The following KCNG3 variants were observed in gnomAD, a reference collection of about 807,000 sequenced individuals.
KCNG3 encodes voltage-gated potassium channel regulatory subunit KCNG3.
A neutral mutation model predicts 29.0 loss-of-function variants in KCNG3; 15 were observed. The ratio of observed to expected loss-of-function variants is 0.52; its 90% CI spans 0.35 to 0.80. KCNG3 has a LOEUF of 0.80. Ranked by LOEUF, KCNG3 falls within the 30% of genes least tolerant of loss-of-function variation. KCNG3 has a pLI of 0.01. For synonymous variants in KCNG3, 322 were observed against 248.9 expected, an observed-to-expected ratio of 1.29 and a Z score of -2.76; for missense variants, 512 against 605.7, an observed-to-expected ratio of 0.85 and a Z score of 1.62.
the KCNG3 span, among the ~76,000 whole-genome samples, chr2:42,405,668 C>T: frequency 2.0e-5 from 3 of 151,918 alleles, no homozygotes; most frequent in South Asian, 2.1e-4. Context: ...AGTGCAGTGG[C>T]GCAATCTCAG....
At chr2:42,433,132 T>G in the KCNG3 span, among the ~76,000 whole-genome samples, 1 of 152,148 alleles carries the variant, frequency 6.6e-6, no homozygotes, top group Admixed American at 6.5e-5. Flanking sequence ...GTACTGTAAG[T>G]TCTAACTGGG....
the KCNG3 span, among the ~76,000 whole-genome samples, chr2:42,413,394 T>C: frequency 6.6e-6 from 1 of 152,196 alleles, no homozygotes; most frequent in Non-Finnish European, 1.5e-5. Flanking sequence ...TACCTGGATA[T>C]AGATTGGCCA....
At chr2:42,417,458 C>T in the KCNG3 span, among the ~76,000 whole-genome samples, 3 of 151,736 alleles carry the variant, frequency 2.0e-5, no homozygotes, top group Non-Finnish European at 4.4e-5. Context: ...GTTGCTGGCA[C>T]CACAGGCACG....
chr2:42,483,150 C>T (rs1297572877), intron 1 of KCNG3, among the ~76,000 whole-genome samples: 1 of 151,924 alleles, frequency 6.6e-6, no homozygotes, highest in African/African-American at 2.4e-5. Context: ...AACAGCTGTT[C>T]TATTTTTTTA....
At chr2:42,474,715 T>C (rs1471863797) in intron 1 of KCNG3, among the ~76,000 whole-genome samples, 2 of 152,212 alleles carry the variant, frequency 1.3e-5, no homozygotes, top group Non-Finnish European at 2.9e-5. Flanking sequence ...TTTAAACATT[T>C]GTCAAATTTT....
the KCNG3 span, among the ~76,000 whole-genome samples, chr2:42,423,074 A>G: frequency 2.0e-5 from 3 of 152,202 alleles, no homozygotes; most frequent in Non-Finnish European, 4.4e-5. Context: ...CACTCTAGAC[A>G]GAACCTCTCC....
chr2:42,410,107 T>C, the KCNG3 span, among the ~76,000 whole-genome samples: 2 of 152,214 alleles, frequency 1.3e-5, no homozygotes, highest in African/African-American at 4.8e-5. Flanking sequence ...TAATAATTCC[T>C]GGAGATCTTG....
chr2:42,464,434 C>T (rs1160703612), intron 1 of KCNG3, among the ~76,000 whole-genome samples: 1 of 152,124 alleles, frequency 6.6e-6, no homozygotes, highest in African/African-American at 2.4e-5. Context: ...CTTCCTGAAA[C>T]AATAAGCTAA....
the KCNG3 span, among the ~76,000 whole-genome samples, chr2:42,422,603 C>T: frequency 6.6e-6 from 1 of 152,070 alleles, no homozygotes; most frequent in African/African-American, 2.4e-5. Flanking sequence ...TTTCTTTAGA[C>T]TCTGTTATCT....
chr2:42,466,338 G>A (rs765844298), intron 1 of KCNG3, among the ~76,000 whole-genome samples: 8 of 152,088 alleles, frequency 5.3e-5, no homozygotes, highest in South Asian at 2.1e-4. Context: ...ACCAGGAGGC[G>A]GAGGTTGCAG....
chr2:42,393,237 C>A, the KCNG3 span, among the ~76,000 whole-genome samples: 1 of 148,254 alleles, frequency 6.7e-6, no homozygotes, highest in African/African-American at 2.5e-5. Context: ...CAAAAAAAAA[C>A]AAAGAATTTT....
rs914886621 is a variant in KCNG3 at position 42,443,192 on chromosome 2, A to G, written c.*742T>C. ...CACCTAGGAACAGCAATGAATTCAA[A>G]TATTATCCAGTAAGATGCTAAACAA... On this transcript the variant is annotated 3_prime_UTR_variant, in exon 2 of 2. Transcript: ENST00000306078. 1 of 152,224 alleles carries G rather than the reference A, an allele frequency of 6.6e-6. No homozygotes were observed. Among genetic ancestry groups the G allele is most frequent in the Admixed American group, 6.5e-5 (1 of 15,278 alleles). 9.4% of individuals were successfully genotyped at this position (152,224 alleles called of 1,614,324 possible).
At chr2:42,466,479 A>C (rs1002910961) in intron 1 of KCNG3, among the ~76,000 whole-genome samples, 1 of 152,226 alleles carries the variant, frequency 6.6e-6, no homozygotes, top group African/African-American at 2.4e-5. Flanking sequence ...AACTGCCTAC[A>C]GTATTCAGTA....
intron 1 of KCNG3, among the ~76,000 whole-genome samples, chr2:42,451,860 A>C (rs1338707137): frequency 6.6e-6 from 1 of 151,912 alleles, no homozygotes; most frequent in Admixed American, 6.6e-5. Context: ...TGATCTTGCC[A>C]CTACACTCCA....
chr2:42,420,536 T>C, the KCNG3 span, among the ~76,000 whole-genome samples: 2 of 152,148 alleles, frequency 1.3e-5, no homozygotes, highest in African/African-American at 4.8e-5. Context: ...ATGTCTGTAA[T>C]CCCAGCACTT....
the KCNG3 span, chr2:42,415,672 T>C: frequency 6.6e-6 from 1 of 152,170 alleles, no homozygotes; most frequent in Non-Finnish European, 1.5e-5. Context: ...CTTTAAGCCA[T>C]CTATATAAAA....
At chr2:42,448,232 G>A (rs1672653431) in intron 1 of KCNG3, among the ~76,000 whole-genome samples, 1 of 152,170 alleles carries the variant, frequency 6.6e-6, no homozygotes, top group Non-Finnish European at 1.5e-5. Context: ...CAGGACTACT[G>A]TTCCTTGAAA....
At chr2:42,475,491 G>GCTAAT (rs1166748720) in intron 1 of KCNG3, among the ~76,000 whole-genome samples, 3 of 151,646 alleles carry the variant, frequency 2.0e-5, no homozygotes, top group Non-Finnish European at 4.4e-5. Flanking sequence ...ATTACACCTG[G>GCTAAT]CTAATTCTTT....
intron 1 of KCNG3, among the ~76,000 whole-genome samples, chr2:42,458,006 G>A (rs924127438): frequency 6.6e-6 from 1 of 152,018 alleles, no homozygotes; most frequent in African/African-American, 2.4e-5. Flanking sequence ...TGTACTCACT[G>A]ACTAAGTCAT....
Sources: allele counts gnomAD v4.1 joint callset (sites outside exome capture counted in the v4.1 genomes callset), GRCh38; gene constraint gnomAD v4.1.1; transcripts MANE v1.5; gene names NCBI Gene and HGNC (gene_info 2026-07-23, HGNC 2026-07-21).